PRR23A: variants seen among roughly 807,000 people sequenced by gnomAD.
The protein encoded by PRR23A is proline-rich protein 23A.
For missense variants in PRR23A, 342 were observed against 372.7 expected (o/e 0.92, Z 0.68); for synonymous variants, 161 against 170.6 (o/e 0.94, Z 0.44).
At position 139,004,757 on chromosome 3, in the gene PRR23A, G is replaced by C. The variant is rs1439176143; in HGVS notation, c.*711C>G. Reference sequence around the variant, plus strand: ...GGCCTCCCAAAGTGCTGGGATTACAGGCGTGAGCCATCGCGCCCGGCCCTT... The same window carrying C: ...GGCCTCCCAAAGTGCTGGGATTACACGCGTGAGCCATCGCGCCCGGCCCTT... On this transcript the variant is annotated 3_prime_UTR_variant, in exon 1 of 1. Transcript: ENST00000383163. 6.6e-6 allele frequency among the ~76,000 whole-genome samples: 1 copy of C among 152,222 alleles called. No homozygotes were observed. The highest frequency in any genetic ancestry group is 1.5e-5 in the Non-Finnish European group (1 of 68,040).
chr3:139,005,414 C>T lies in PRR23A; in HGVS notation c.*54G>A, dbSNP rs1936760065. 2 of 1,424,218 alleles carry T rather than the reference C, an allele frequency of 1.4e-6. No homozygotes were observed. Among genetic ancestry groups the T allele is most frequent in the South Asian group, 3.0e-5 (2 of 67,622 alleles). The allele number at this position is 1,424,218 out of a possible 1,614,324, so 88.2% of individuals were successfully genotyped here. A position where few individuals can be genotyped will look rare whatever the true frequency, so the allele number is the denominator to read the frequency against. ...GCTGTGGCAAGTCCTCACAGTGAGT[C>T]TTGGAGGATCCACAAGAACCCGCAG... On this transcript the variant is annotated 3_prime_UTR_variant, in exon 1 of 1. Coordinates refer to ENST00000383163, the MANE Select transcript of PRR23A (RefSeq NM_001134659.1).
In PRR23A at chr3:139,005,706, C is replaced by A. The variant is rs536328953; in HGVS notation, c.563G>T (p.Ser188Ile). The A allele has an allele frequency of 1.8e-4, 290 of 1,613,772 alleles. 1 individual carries two copies. The highest frequency in any genetic ancestry group is 1.0e-3 in the South Asian group (92 of 91,046). ...GLYSSARSMF[S>I]PYREGPIPEP... Reference sequence around the variant, plus strand: ...TGGGATGGGGCCCTCCCGGTAGGGGCTGAACATACTTCTGGCGGAGGAGTA... The same window carrying A: ...TGGGATGGGGCCCTCCCGGTAGGGGATGAACATACTTCTGGCGGAGGAGTA... The change falls in exon 1 of 1, where the codon AGC becomes ATC. Residue 188 changes from serine to isoleucine, a missense_variant. Ser to Ile is a moderately radical substitution (Grantham distance 142). Coordinates refer to ENST00000383163, the MANE Select transcript of PRR23A (RefSeq NM_001134659.1).
At position 139,006,116 on chromosome 3, in the gene PRR23A, G is replaced by A. The variant is rs768041335; in HGVS notation, c.153C>T (p.Thr51=). The A allele has an allele frequency of 6.5e-6, 10 of 1,546,836 alleles. No individual in the cohort carries two copies. Among genetic ancestry groups the A allele is most frequent in the East Asian group, 4.8e-5 (2 of 41,250 alleles). ...VAPSLEDPAG[T]PAVGALTSIV... is the part of the protein sequence containing the mutation. The stretch of plus-strand genomic sequence containing the variant: ...TGGAGGTGAGCGCGCCCACGGCCGG[G>A]GTACCCGCCGGGTCTTCCAGGCTGG... The change falls in exon 1 of 1, where the codon ACC becomes ACT. Residue 51 remains threonine, a synonymous_variant. Coordinates refer to ENST00000383163, the MANE Select transcript of PRR23A (RefSeq NM_001134659.1).
In PRR23A at chr3:139,005,756, G is replaced by T; in HGVS notation, c.513C>A (p.Ser171=). The T allele has an allele frequency of 6.2e-7, 1 of 1,613,594 alleles. No individual in the cohort carries two copies. Among genetic ancestry groups the T allele is most frequent in the Non-Finnish European group, 8.5e-7 (1 of 1,179,746 alleles). The change falls in exon 1 of 1, where the codon TCC becomes TCA. Residue 171 remains serine, a synonymous_variant. Transcript: ENST00000383163. ...AGAGCCCAGCGGCTGAGCCGGCTGC[G>T]GAGTCCATCTGGAGCTCCGGAAACT... The part of the protein sequence containing the change: ...DPEFPELQMD[S]AAGSAAGLYS...
chr3:139,006,202 G>C lies in PRR23A; in HGVS notation c.67C>G (p.Pro23Ala). 1.3e-6 allele frequency: 2 copies of C among 1,547,966 alleles called. No homozygotes were observed. The highest frequency in any genetic ancestry group is 8.7e-7 in the Non-Finnish European group (1 of 1,149,096). The change falls in exon 1 of 1, where the codon CCC becomes GCC. Residue 23 changes from proline (P) to alanine (A), a missense_variant. Coordinates refer to ENST00000383163, the MANE Select transcript of PRR23A (RefSeq NM_001134659.1). ...APWWGQQPGG[P>A]GPAKRLRLEE... ...AATCGGAGGCGCTTGGCAGGGCCGG[G>C]TCCTCCTGGCTGCTGTCCCCACCAG... is the stretch of plus-strand genomic sequence containing the variant.
chr3:139,005,886 A>G lies in PRR23A; in HGVS notation c.383T>C (p.Leu128Pro), dbSNP rs752467767. The G allele has an allele frequency of 1.9e-6, 3 of 1,613,634 alleles. No homozygotes were observed. Among genetic ancestry groups the G allele is most frequent in the South Asian group, 1.1e-5 (1 of 90,922 alleles). The stretch of plus-strand genomic sequence containing the variant: ...GACGACGTCCTCCCTGAGAGCGCCC[A>G]GGAAAACGTCCACTTCCAGCCCAGC... Reference protein sequence around the residue: ...SSAGLEVDVFLGALREDVVVE... With the variant: ...SSAGLEVDVFPGALREDVVVE... Residue 128 changes from leucine (L) to proline (P), a missense_variant, in exon 1 of 1, where the codon CTG becomes CCG. By Grantham distance (98) the Leu-to-Pro change is moderately conservative. Transcript: ENST00000383163.
Position 139,004,138 on chromosome 3 carries a change from A to G in PRR23A, c.*1330T>C, listed in dbSNP as rs1936741956. Among the ~76,000 whole-genome samples the G allele has an allele frequency of 6.6e-6, 1 of 152,212 alleles. No homozygotes were observed. The highest frequency in any genetic ancestry group is 1.5e-5 in the Non-Finnish European group (1 of 68,046). On this transcript the variant is annotated 3_prime_UTR_variant, in exon 1 of 1. Transcript: ENST00000383163. ...GGGAGAAGAGTGGGGATCAAAGGAT[A>G]TGACAACATTATCTGTAATATTTCC...
Position 139,006,001 on chromosome 3 carries a change from C to T in PRR23A, c.268G>A (p.Val90Met). Residue 90 changes from valine to methionine, a missense_variant, in exon 1 of 1, where the codon GTG becomes ATG. By Grantham distance (21) the Val-to-Met change is conservative (BLOSUM62 1). Coordinates refer to ENST00000383163, the MANE Select transcript of PRR23A (RefSeq NM_001134659.1). Reference protein sequence around the residue: ...LELPPTSILRVSLDGHTLILI... With the variant: ...LELPPTSILRMSLDGHTLILI... ...ATGAGGGTGTGTCCATCGAGAGACA[C>T]TCGCAGGATCGACGTTGGCGGGAGC... 6.2e-7 allele frequency: 1 copy of T among 1,613,650 alleles called. No homozygotes were observed. Among genetic ancestry groups the T allele is most frequent in the Admixed American group, 1.7e-5 (1 of 59,986 alleles).
the PRR23A span, chr3:139,005,488 T>A: frequency 6.5e-7 from 1 of 1,538,910 alleles, no homozygotes; most frequent in Non-Finnish European, 8.7e-7. Flanking sequence ...AACAGTCGTC[T>A]GCGGGCCTTG....
rs752206383 is a variant in PRR23A, at chr3:139,005,491, G to A, written c.778C>T (p.Arg260Cys). ...GTTCATTCCTGGAACAGTCGTCTGC[G>A]GGCCTTGCACGGAGGGCGTTTCGGG... is the stretch of plus-strand genomic sequence containing the variant. ...PLPKRPPCKA[R>C]RRLFQE Residue 260 changes from arginine to cysteine, a missense_variant, in exon 1 of 1, where the codon CGC (arginine) becomes TGC (cysteine). Transcript: ENST00000383163. The A allele has an allele frequency of 9.7e-6, 15 of 1,542,958 alleles. No homozygotes were observed. Among genetic ancestry groups the A allele is most frequent in the Middle Eastern group, 1.7e-4 (1 of 5,802 alleles).
the PRR23A span, chr3:139,005,699 G>C: frequency 1.2e-6 from 2 of 1,613,834 alleles, no homozygotes; most frequent in Non-Finnish European, 1.7e-6. Context: ...GGCCCTCCCG[G>C]TAGGGGCTGA....
the PRR23A span, chr3:139,006,217 G>A: frequency 1.3e-6 from 2 of 1,546,730 alleles, no homozygotes; most frequent in Non-Finnish European, 1.7e-6. Context: ...CCTGGCTGCT[G>A]TCCCCACCAG....
rs982826906 is a variant in PRR23A at position 139,004,434 on chromosome 3, C to G, written c.*1034G>C. The stretch of plus-strand genomic sequence containing the variant: ...TGAAAGTGTCACAACTTCCTACTTT[C>G]CCTCATTAAATATTGCTTTCACTAA... On this transcript the variant is annotated 3_prime_UTR_variant, in exon 1 of 1. Transcript: ENST00000383163. 2.0e-5 allele frequency among the ~76,000 whole-genome samples: 3 copies of G among 152,030 alleles called. No homozygotes were observed. The highest frequency in any genetic ancestry group is 7.2e-5 in the African/African-American group (3 of 41,410).
rs938588374 is a variant in PRR23A, at chr3:139,005,302, A to ACCAG, written c.*162_*165dup. ...ACCAAGGAATTCTGCCAAAAAACCAACCAGCCAGCCAGCCAACCAACCAAC... is the reference window on the plus strand; with the variant it reads ...ACCAAGGAATTCTGCCAAAAAACCAACCAGCCAGCCAGCCAGCCAACCAACCAAC... On this transcript the variant is annotated 3_prime_UTR_variant, in exon 1 of 1. Coordinates refer to ENST00000383163, the MANE Select transcript of PRR23A (RefSeq NM_001134659.1). Among the ~76,000 whole-genome samples, 3 of 152,150 alleles carry ACCAG rather than the reference A, an allele frequency of 2.0e-5. No individual in the cohort carries two copies. The highest frequency in any genetic ancestry group is 7.2e-5 in the African/African-American group (3 of 41,430).
Position 139,005,059 on chromosome 3 carries a change from A to G in PRR23A, c.*409T>C, listed in dbSNP as rs556082514. ...AGGTGTATGGAAGTGATAAAAAAAA[A>G]GGGGGGAATTTTAAAGAAAACTGAA... On this transcript the variant is annotated 3_prime_UTR_variant, in exon 1 of 1. Coordinates refer to ENST00000383163, the MANE Select transcript of PRR23A (RefSeq NM_001134659.1). Among the ~76,000 whole-genome samples, 9 of 152,072 alleles carry G rather than the reference A, an allele frequency of 5.9e-5. No individual in the cohort carries two copies. The highest frequency in any genetic ancestry group is 1.9e-4 in the East Asian group (1 of 5,166).
chr3:139,005,507 G>T lies in PRR23A; in HGVS notation c.762C>A (p.Arg254=). 1.3e-6 allele frequency: 2 copies of T among 1,560,832 alleles called. No individual in the cohort carries two copies. ...GTCGTCTGCGGGCCTTGCACGGAGGGCGTTTCGGGAGCGGCGGGTGCGCGT... is the reference window on the plus strand; with the variant it reads ...GTCGTCTGCGGGCCTTGCACGGAGGTCGTTTCGGGAGCGGCGGGTGCGCGT... ...GPHAHPPLPK[R]PPCKARRRLF... Residue 254 remains arginine (R), a synonymous_variant, in exon 1 of 1, where the codon CGC becomes CGA. Coordinates refer to ENST00000383163, the MANE Select transcript of PRR23A (RefSeq NM_001134659.1).
rs778543109 is a variant in PRR23A at position 139,006,000 on chromosome 3, A to C, written c.269T>G (p.Val90Gly). ...GATGAGGGTGTGTCCATCGAGAGAC[A>C]CTCGCAGGATCGACGTTGGCGGGAG... ...LELPPTSILR[V>G]SLDGHTLILI... Residue 90 changes from valine (V) to glycine (G), a missense_variant, in exon 1 of 1, where the codon GTG becomes GGG. By Grantham distance (109) the Val-to-Gly change is moderately radical. Transcript: ENST00000383163. The C allele has an allele frequency of 1.2e-6, 2 of 1,613,416 alleles. No homozygotes were observed. The highest frequency in any genetic ancestry group is 2.7e-5 in the African/African-American group (2 of 74,870).
rs1413914440 is a variant in PRR23A at position 139,005,585 on chromosome 3, G to A, written c.684C>T (p.Ser228=). 6.2e-7 allele frequency: 1 copy of A among 1,611,332 alleles called. No homozygotes were observed. Among genetic ancestry groups the A allele is most frequent in the Non-Finnish European group, 8.5e-7 (1 of 1,178,714 alleles). The change falls in exon 1 of 1, where the codon AGC becomes AGT. Residue 228 remains serine, a synonymous_variant. Coordinates refer to ENST00000383163, the MANE Select transcript of PRR23A (RefSeq NM_001134659.1). ...PEFRLLEPVP[S]SPLQPLPPSP... The stretch of plus-strand genomic sequence containing the variant: ...AGGGAGGTAGAGGTTGGAGAGGTGA[G>A]CTGGGGACAGGCTCCAGAAGGCGGA...
the PRR23A span, chr3:139,006,078 G>GC: frequency 6.3e-7 from 1 of 1,587,276 alleles, no homozygotes; most frequent in Non-Finnish European, 8.6e-7. Context: ...ACAGCCCGCG[G>GC]CCAGGACCAC....
Sources: allele counts gnomAD v4.1 joint callset (sites outside exome capture counted in the v4.1 genomes callset), GRCh38; gene constraint gnomAD v4.1.1; transcripts MANE v1.5; gene names NCBI Gene and HGNC (gene_info 2026-07-23, HGNC 2026-07-21).